The following PAPPA2 variants were observed in gnomAD, a reference collection of about 807,000 sequenced individuals.
PAPPA2 encodes the protein pappalysin 2, also known as pappalysin-2.
A neutral mutation model predicts 176.4 loss-of-function variants in PAPPA2; 86 were observed. The observed-to-expected ratio is 0.49, with a 90% CI of 0.41 to 0.58. PAPPA2 has a LOEUF of 0.58. PAPPA2 is among the 20% of genes least tolerant of loss of function. The pLI is 0.00. For missense variants in PAPPA2, 2,073 were observed against 2,256.9 expected (o/e 0.92, Z 1.65); for synonymous variants, 809 against 852.2 (o/e 0.95, Z 0.88).
chr1:176,715,609 A>G (rs1202776497), intron 12 of PAPPA2, among the ~76,000 whole-genome samples: 1 of 152,144 alleles, frequency 6.6e-6, no homozygotes, highest in African/African-American at 2.4e-5. Flanking sequence ...TCCCTAATTT[A>G]TCAAAAAGGT....
intron 2 of PAPPA2, among the ~76,000 whole-genome samples, chr1:176,558,680 A>C (rs889648989): frequency 2.0e-5 from 3 of 152,172 alleles, no homozygotes; most frequent in Non-Finnish European, 4.4e-5. Flanking sequence ...AGAAATAATG[A>C]GATGATTATC....
At chr1:176,806,932 T>C (rs915172466) in intron 21 of PAPPA2, among the ~76,000 whole-genome samples, 6 of 152,176 alleles carry the variant, frequency 3.9e-5, no homozygotes, top group Admixed American at 3.9e-4. Flanking sequence ...TTCTTATTCA[T>C]TGGATGGATT....
intron 1 of PAPPA2, among the ~76,000 whole-genome samples, chr1:176,474,481 C>T (rs529079373): frequency 6.6e-6 from 1 of 152,240 alleles, no homozygotes; most frequent in South Asian, 2.1e-4. Flanking sequence ...TTGGTGATTC[C>T]GTGGTCTCTG....
intron 3 of PAPPA2, among the ~76,000 whole-genome samples, chr1:176,664,621 G>T (rs1394215945): frequency 6.6e-6 from 1 of 152,128 alleles, no homozygotes; most frequent in African/African-American, 2.4e-5. Context: ...GGACATCCTT[G>T]AGGGCATTAT....
chr1:176,759,017 G>C (rs974491333), intron 14 of PAPPA2, among the ~76,000 whole-genome samples: 2 of 152,240 alleles, frequency 1.3e-5, no homozygotes, highest in Admixed American at 1.3e-4. Context: ...GGCAAGCCAA[G>C]ACCAGAACCC....
At chr1:176,672,570 T>C (rs75169669) in intron 4 of PAPPA2, among the ~76,000 whole-genome samples, 3,419 of 150,808 alleles carry the variant, frequency 0.023, 88 homozygotes, top group African/African-American at 0.063. Context: ...GTGTTAGCGA[T>C]AGACCAAAAA....
intron 5 of PAPPA2, chr1:176,690,902 G>A (rs887361516): frequency 2.2e-6 from 2 of 913,926 alleles, no homozygotes; most frequent in Non-Finnish European, 1.3e-6. Flanking sequence ...ATGTTTTACT[G>A]TATGTTACTA....
chr1:176,472,363 A>G (rs1651920259), intron 1 of PAPPA2, among the ~76,000 whole-genome samples: 1 of 152,080 alleles, frequency 6.6e-6, no homozygotes, highest in East Asian at 1.9e-4. Flanking sequence ...ATATAGCTCA[A>G]TTTGTCCCAT....
rs941361982 is a variant in PAPPA2 at position 176,476,772 on chromosome 1, T to C, written c.-917+13354T>C. ...AAACAATGACAGATTCCTGGGTTCT[T>C]CTTTAGAGGTTATGATTCTGTATGT... is the stretch of plus-strand genomic sequence containing the variant. On this transcript the variant is annotated intron_variant, in intron 1 of 22. Coordinates refer to ENST00000367662, the MANE Select transcript of PAPPA2 (RefSeq NM_020318.3). Among the ~76,000 whole-genome samples the C allele has an allele frequency of 1.7e-4, 26 of 152,246 alleles. 2 individuals carry two copies.
At chr1:176,687,039 T>C (rs1659870436) in intron 4 of PAPPA2, among the ~76,000 whole-genome samples, 2 of 152,236 alleles carry the variant, frequency 1.3e-5, no homozygotes, top group Admixed American at 1.3e-4. Flanking sequence ...ACACTCATCC[T>C]GAAATTAGAG....
At chr1:176,519,957 G>C (rs1649124209) in intron 1 of PAPPA2, among the ~76,000 whole-genome samples, 1 of 152,112 alleles carries the variant, frequency 6.6e-6, no homozygotes, top group South Asian at 2.1e-4. Context: ...AGTTAGCACT[G>C]AGAAGCTTGG....
chr1:176,775,406 A>T (rs956469980), intron 17 of PAPPA2, among the ~76,000 whole-genome samples: 6 of 152,182 alleles, frequency 3.9e-5, no homozygotes, highest in African/African-American at 1.4e-4. Flanking sequence ...GTGAATGAGA[A>T]CTTTAAACAT....
intron 14 of PAPPA2, among the ~76,000 whole-genome samples, chr1:176,753,554 CTT>C (rs77817405): frequency 0.067 from 4,893 of 73,086 alleles, 93 homozygotes; most frequent in African/African-American, 0.097. Flanking sequence ...AAGGCTCCTC[CTT>C]TTTTTTTTTT....
intron 21 of PAPPA2, among the ~76,000 whole-genome samples, chr1:176,834,354 G>C (rs948719223): frequency 2.0e-5 from 3 of 152,192 alleles, no homozygotes; most frequent in African/African-American, 7.2e-5. Flanking sequence ...CATATTCCAA[G>C]AAGACTTGCA....
chr1:176,640,313 G>A (rs1656995388), intron 3 of PAPPA2, among the ~76,000 whole-genome samples: 1 of 150,440 alleles, frequency 6.6e-6, no homozygotes, highest in South Asian at 2.1e-4. Flanking sequence ...TCTAGCATTA[G>A]GTATATCTCC....
At chr1:176,480,025 G>A (rs549395053) in intron 1 of PAPPA2, among the ~76,000 whole-genome samples, 55 of 152,288 alleles carry the variant, frequency 3.6e-4, no homozygotes, top group Non-Finnish European at 6.5e-4. Flanking sequence ...TGGCCACAGA[G>A]TGGCATTTCC....
chr1:176,589,869 A>T (rs1506779), intron 2 of PAPPA2, among the ~76,000 whole-genome samples: 21,499 of 152,218 alleles, frequency 0.14, 1,571 homozygotes, highest in Middle Eastern at 0.2. Flanking sequence ...GACTGGGAAG[A>T]AAAAGTCTCC....
intron 1 of PAPPA2, chr1:176,553,613 T>C (rs1167272248): frequency 2.0e-5 from 3 of 151,606 alleles, no homozygotes; most frequent in African/African-American, 4.8e-5. Context: ...TATGAATGGA[T>C]TACTAGAAGC....
At chr1:176,809,388 C>A (rs544351735) in intron 21 of PAPPA2, among the ~76,000 whole-genome samples, 1 of 152,206 alleles carries the variant, frequency 6.6e-6, no homozygotes, top group African/African-American at 2.4e-5. Context: ...ATTGTTTTTA[C>A]ACATTTAGTA....
Sources: allele counts gnomAD v4.1 joint callset (sites outside exome capture counted in the v4.1 genomes callset), GRCh38; gene constraint gnomAD v4.1.1; transcripts MANE v1.5; gene names NCBI Gene and HGNC (gene_info 2026-07-23, HGNC 2026-07-21).